MSH4: variants seen among roughly 807,000 people sequenced by gnomAD.
MSH4 encodes mutS protein homolog 4.
In MSH4, 106 loss-of-function variants were observed where a neutral mutation model predicts 113.7. That is an observed-to-expected ratio of 0.93 (90% CI 0.80 to 1.10). The LOEUF (loss-of-function observed/expected upper bound fraction) is 1.10, where lower values mean the gene tolerates loss of function less well. Ranked by LOEUF, MSH4 falls within the 50% of genes least tolerant of loss-of-function variation. MSH4 has a pLI of 0.00. For missense variants in MSH4, 1,061 were observed against 1,093.7 expected (o/e 0.97, Z 0.42); for synonymous variants, 368 against 380.2 (o/e 0.97, Z 0.37).
In MSH4 at chr1:75,803,912, A is replaced by C; in HGVS notation, c.426A>C (p.Ser142=). The C allele has an allele frequency of 6.8e-7, 1 of 1,472,480 alleles. No homozygotes were observed. Among genetic ancestry groups the C allele is most frequent in the South Asian group, 1.5e-5 (1 of 67,076 alleles). The allele number at this position is 1,472,480 out of a possible 1,614,324, so 91.2% of individuals were successfully genotyped here. Residue 142 remains serine, a splice_region_variant and synonymous_variant, in exon 2 of 20, where the codon TCA becomes TCC. Coordinates refer to ENST00000263187, the MANE Select transcript of MSH4 (RefSeq NM_002440.4). ...YKSWTPQVGY[S]ASSSSAISAH... is the part of the protein sequence containing the mutation. The stretch of plus-strand genomic sequence containing the variant: ...GCTGGACACCACAAGTGGGATATTC[A>C]GGTAAAATAAGTGGAAGATTAACCT...
chr1:75,878,816 G>A (rs1651868931), intron 11 of MSH4, among the ~76,000 whole-genome samples, 176 bp from the exon 12 acceptor site: 1 of 143,436 alleles, frequency 7.0e-6, no homozygotes, highest in Non-Finnish European at 1.5e-5. Flanking sequence ...GCGACAGAGT[G>A]AGATCTGTCT....
intron 7 of MSH4, among the ~76,000 whole-genome samples, chr1:75,829,721 G>T (rs555114439): frequency 1.3e-5 from 2 of 152,244 alleles, no homozygotes; most frequent in East Asian, 3.9e-4. Flanking sequence ...TGCAGCTGAG[G>T]GTCCTGACTG....
chr1:75,891,046 A>T (rs182798020), intron 17 of MSH4, among the ~76,000 whole-genome samples: 1 of 152,306 alleles, frequency 6.6e-6, no homozygotes, highest in East Asian at 1.9e-4. Flanking sequence ...AAGAAATTCA[A>T]ATAATGCAAA....
intron 19 of MSH4, among the ~76,000 whole-genome samples, chr1:75,905,721 G>T (rs916507956): frequency 1.3e-5 from 2 of 151,988 alleles, no homozygotes; most frequent in Admixed American, 1.3e-4. Context: ...TTACATATTT[G>T]GATGGTCCAC....
chr1:75,870,042 A>T (rs1289740972), intron 9 of MSH4, among the ~76,000 whole-genome samples: 1 of 152,160 alleles, frequency 6.6e-6, no homozygotes, highest in Non-Finnish European at 1.5e-5. Flanking sequence ...ACAAGGGTGG[A>T]GCTGCTCAAG....
intron 19 of MSH4, among the ~76,000 whole-genome samples, chr1:75,901,220 T>C (rs1652498903): frequency 6.6e-6 from 1 of 152,178 alleles, no homozygotes; most frequent in African/African-American, 2.4e-5. Context: ...ATATTAACTA[T>C]AGTCACCCTA....
Position 75,806,961 on chromosome 1 carries a change from C to T in MSH4, c.428-20C>T. On this transcript the variant is annotated intron_variant, in intron 2 of 19. Transcript: ENST00000263187. ...ATTATTATCAATGTTTATATCTTTT[C>T]TTTATTTAAAAATTTACAGCTTCAT... 1.3e-6 allele frequency: 2 copies of T among 1,538,008 alleles called. No individual in the cohort carries two copies. Among genetic ancestry groups the T allele is most frequent in the Non-Finnish European group, 1.7e-6 (2 of 1,152,558 alleles).
At chr1:75,861,124 G>C (rs1651445970) in intron 8 of MSH4, among the ~76,000 whole-genome samples, 1 of 151,980 alleles carries the variant, frequency 6.6e-6, no homozygotes, top group Admixed American at 6.6e-5. Context: ...GGACATTTAA[G>C]CTCTTCTCTA....
chr1:75,868,220 C>T (rs1651630389), intron 9 of MSH4, among the ~76,000 whole-genome samples: 1 of 152,138 alleles, frequency 6.6e-6, no homozygotes, highest in Admixed American at 6.5e-5. Context: ...CATCAAGAGG[C>T]ACATAATGCC....
chr1:75,885,891 T>TGTA (rs2100577659), intron 15 of MSH4, among the ~76,000 whole-genome samples: 2 of 128,518 alleles, frequency 1.6e-5, no homozygotes, highest in African/African-American at 5.7e-5. Flanking sequence ...ATATATTATA[T>TGTA]ATGATGTATT....
At chr1:75,853,310 C>T (rs1209697367) in intron 8 of MSH4, among the ~76,000 whole-genome samples, 1 of 152,130 alleles carries the variant, frequency 6.6e-6, no homozygotes, top group South Asian at 2.1e-4. Flanking sequence ...AGTGATCTGC[C>T]TGCCTCAGCC....
At chr1:75,842,347 T>C (rs1206559495) in intron 7 of MSH4, among the ~76,000 whole-genome samples, 1 of 152,142 alleles carries the variant, frequency 6.6e-6, no homozygotes, top group Non-Finnish European at 1.5e-5. Flanking sequence ...TGGCTCTTAG[T>C]TGATTATCTT....
chr1:75,872,103 G>T (rs571417992), intron 9 of MSH4, among the ~76,000 whole-genome samples: 4 of 152,060 alleles, frequency 2.6e-5, no homozygotes, highest in Non-Finnish European at 5.9e-5. Flanking sequence ...AGTTTATTCA[G>T]CATCCTAAAG....
intron 8 of MSH4, among the ~76,000 whole-genome samples, chr1:75,864,370 G>T (rs1214755860): frequency 2.6e-5 from 4 of 151,952 alleles, no homozygotes; most frequent in Admixed American, 2.0e-4. Context: ...TTTTTATTTG[G>T]TATATAGTTA....
rs1302871854 is a variant in MSH4, at chr1:75,906,530, A to G, written c.2620-6166A>G. On this transcript the variant is annotated intron_variant, in intron 19 of 19. Transcript: ENST00000263187. The stretch of plus-strand genomic sequence containing the variant: ...ATAATATATAATATGTATATATTAT[A>G]TATAATATATATAATATATAATATA... 2.6e-5 allele frequency among the ~76,000 whole-genome samples: 2 copies of G among 77,516 alleles called. 1 individual carries two copies. Among genetic ancestry groups the G allele is most frequent in the Non-Finnish European group, 4.6e-5 (2 of 43,896 alleles). 50.9% of individuals were successfully genotyped at this position (77,516 alleles called of 152,430 possible). A position where few individuals can be genotyped will look rare whatever the true frequency, so the allele number is the denominator to read the frequency against.
At chr1:75,831,040 G>T (rs1650676219) in intron 7 of MSH4, among the ~76,000 whole-genome samples, 1 of 152,158 alleles carries the variant, frequency 6.6e-6, no homozygotes, top group African/African-American at 2.4e-5. Context: ...GTATTCAGGA[G>T]ACCCATCTCA....
chr1:75,838,241 C>A (rs1650874509), intron 7 of MSH4, among the ~76,000 whole-genome samples: 1 of 152,158 alleles, frequency 6.6e-6, no homozygotes, highest in South Asian at 2.1e-4. Flanking sequence ...CATTTCTTGG[C>A]TCTTAGCCCT....
Position 75,899,694 on chromosome 1 carries a change from GA to G in MSH4, c.2608del (p.Arg870AspfsTer22), listed in dbSNP as rs1557530890. The G allele has an allele frequency of 1.3e-6, 2 of 1,493,022 alleles. No homozygotes were observed. The highest frequency in any genetic ancestry group is 1.8e-6 in the Non-Finnish European group (2 of 1,127,894). 92.5% of individuals were successfully genotyped at this position (1,493,022 alleles called of 1,614,324 possible). On this transcript the variant is annotated frameshift_variant, in exon 19 of 20. Transcript: ENST00000263187. LOFTEE classifies it high-confidence loss of function. The part of the protein sequence containing the change: ...DAKEITTQIT[R>X]QILQNQRSTP... ...CCAAGGAAATCACAACTCAAATTAC[GA>G]GACAAATTTTGGTAAGAAACTTTGT...
chr1:75,856,259 A>G (rs764839870), intron 8 of MSH4, among the ~76,000 whole-genome samples: 13 of 152,104 alleles, frequency 8.5e-5, no homozygotes, highest in African/African-American at 1.2e-4. Context: ...TAAAGGGTCA[A>G]TGTTACTTCC....
Sources: allele counts gnomAD v4.1 joint callset (sites outside exome capture counted in the v4.1 genomes callset), GRCh38; gene constraint gnomAD v4.1.1; transcripts MANE v1.5; gene names NCBI Gene and HGNC (gene_info 2026-07-23, HGNC 2026-07-21).